The following SCAPER variants were observed in gnomAD, a reference collection of about 807,000 sequenced individuals.
SCAPER encodes S phase cyclin A-associated protein in the endoplasmic reticulum.
SCAPER carries 98 observed loss-of-function variants against 182.2 expected under a neutral mutation model. The observed-to-expected ratio is 0.54, with a 90% CI of 0.46 to 0.64. SCAPER has a LOEUF of 0.64. Among genes scored for constraint, SCAPER ranks in the 30% least tolerant of loss-of-function variants. SCAPER has a pLI of 0.00. For synonymous variants in SCAPER, 605 were observed against 564.6 expected (o/e 1.07, Z -1.01); for missense variants, 1,432 against 1,690.0 (o/e 0.85, Z 2.68).
chr15:76,820,390 C>T (rs544477343), intron 5 of SCAPER, among the ~76,000 whole-genome samples: 2 of 152,166 alleles, frequency 1.3e-5, no homozygotes, highest in East Asian at 3.9e-4. Flanking sequence ...ACATATACAC[C>T]ATGGAATACT....
At chr15:76,593,317 C>G (rs1237026936) in intron 22 of SCAPER, among the ~76,000 whole-genome samples, 1 of 121,254 alleles carries the variant, frequency 8.2e-6, no homozygotes, top group African/African-American at 2.5e-5. Context: ...GGCAGCAGCC[C>G]CAGTCAGGGG....
chr15:76,453,042 C>CA (rs2048484508), intron 25 of SCAPER, among the ~76,000 whole-genome samples: 1 of 152,108 alleles, frequency 6.6e-6, no homozygotes, highest in South Asian at 2.1e-4. Context: ...CTATGTTGCC[C>CA]AGGCTGGTTT....
At chr15:76,481,628 A>C (rs1188224192) in intron 24 of SCAPER, among the ~76,000 whole-genome samples, 1 of 152,238 alleles carries the variant, frequency 6.6e-6, no homozygotes, top group Non-Finnish European at 1.5e-5. Context: ...ACTCAGGTCC[A>C]GAATTTTGTT....
intron 29 of SCAPER, among the ~76,000 whole-genome samples, chr15:76,356,288 T>TGGGGCAG: frequency 1.3e-5 from 2 of 152,192 alleles, no homozygotes; most frequent in South Asian, 4.2e-4. Flanking sequence ...CACTACCCTT[T>TGGGGCAG]GGGGCAGGGG....
At chr15:76,720,961 T>G (rs897335387) in intron 17 of SCAPER, among the ~76,000 whole-genome samples, 5 of 152,226 alleles carry the variant, frequency 3.3e-5, no homozygotes, top group Non-Finnish European at 7.3e-5. Flanking sequence ...TGGCTTTTGT[T>G]GCCATTGCTT....
intron 23 of SCAPER, among the ~76,000 whole-genome samples, chr15:76,535,521 C>CAA (rs56660301): frequency 0.02 from 941 of 46,522 alleles, 107 homozygotes; most frequent in Admixed American, 0.038. Flanking sequence ...GACTCTGTCT[C>CAA]AAAAAAAAAA....
chr15:76,719,894 TGG>T (rs1233681386), intron 17 of SCAPER, among the ~76,000 whole-genome samples: 1 of 152,006 alleles, frequency 6.6e-6, no homozygotes, highest in African/African-American at 2.4e-5. Context: ...GAATTTATTG[TGG>T]TTGCTGAAAC....
intron 29 of SCAPER, among the ~76,000 whole-genome samples, chr15:76,373,035 T>C (rs1323950553): frequency 5.1e-5 from 2 of 39,228 alleles, no homozygotes; most frequent in African/African-American, 8.9e-5. Flanking sequence ...CTTTCTTTCC[T>C]TTTTCTTTCT....
chr15:76,892,089 A>G (rs1030217238), intron 1 of SCAPER, among the ~76,000 whole-genome samples: 5 of 152,224 alleles, frequency 3.3e-5, no homozygotes, highest in African/African-American at 1.2e-4. Flanking sequence ...AGGATTCCCT[A>G]TTTAATAGTG....
intron 20 of SCAPER, among the ~76,000 whole-genome samples, chr15:76,700,250 C>T (rs2058865369): frequency 6.6e-6 from 1 of 152,216 alleles, no homozygotes; most frequent in Admixed American, 6.5e-5. Flanking sequence ...CACAGTGAGA[C>T]TTGAGGGTTG....
intron 24 of SCAPER, among the ~76,000 whole-genome samples, chr15:76,478,312 G>A (rs2050824326): frequency 6.6e-6 from 1 of 151,808 alleles, no homozygotes; most frequent in Non-Finnish European, 1.5e-5. Flanking sequence ...ATGACAAATG[G>A]TTAATACATA....
chr15:76,608,527 A>C (rs565013125), intron 22 of SCAPER, among the ~76,000 whole-genome samples: 70 of 152,246 alleles, frequency 4.6e-4, no homozygotes, highest in Non-Finnish European at 6.2e-4. Context: ...TGGGAGAACC[A>C]CTACTCTCTT....
chr15:76,524,322 A>C (rs1282941800), intron 23 of SCAPER, among the ~76,000 whole-genome samples: 3 of 152,168 alleles, frequency 2.0e-5, no homozygotes, highest in Admixed American at 1.3e-4. Flanking sequence ...CTATATAATG[A>C]GACAAAAGTG....
intron 4 of SCAPER, chr15:76,855,966 C>T: frequency 3.5e-6 from 1 of 282,618 alleles, no homozygotes; most frequent in East Asian, 8.7e-5. Context: ...AAGACACATG[C>T]ACGTGAATGT....
At chr15:76,697,802 G>A (rs1014348156) in intron 20 of SCAPER, among the ~76,000 whole-genome samples, 2 of 152,016 alleles carry the variant, frequency 1.3e-5, no homozygotes, top group African/African-American at 4.8e-5. Flanking sequence ...ACCATGCCCA[G>A]CTAATTTTTG....
At chr15:76,550,109 AAAAAC>A (rs913710028) in intron 23 of SCAPER, among the ~76,000 whole-genome samples, 13 of 152,312 alleles carry the variant, frequency 8.5e-5, no homozygotes, top group Non-Finnish European at 1.3e-4. Context: ...CCCAACAGTA[AAAAAC>A]AAAACAAAAC....
At chr15:76,763,918 T>G (rs2062950462) in intron 14 of SCAPER, among the ~76,000 whole-genome samples, 1 of 152,210 alleles carries the variant, frequency 6.6e-6, no homozygotes, top group Non-Finnish European at 1.5e-5. Flanking sequence ...CCTTCAACAG[T>G]TATTTTGAAT....
intron 1 of SCAPER, among the ~76,000 whole-genome samples, chr15:76,887,861 C>T (rs892697599): frequency 1.3e-5 from 2 of 152,206 alleles, no homozygotes; most frequent in Non-Finnish European, 2.9e-5. Context: ...TCACATGGGT[C>T]CCTGACCCCC....
intron 8 of SCAPER, among the ~76,000 whole-genome samples, chr15:76,790,249 A>C (rs2064911153): frequency 6.7e-6 from 1 of 150,364 alleles, no homozygotes; most frequent in African/African-American, 2.4e-5. Flanking sequence ...AAAAAAATGT[A>C]CATCAATGTT....
Sources: gnomAD v4.1 joint callset for allele counts (sites outside exome capture counted in the v4.1 genomes callset) on GRCh38, gnomAD v4.1.1 for gene constraint, MANE v1.5 for transcripts, NCBI Gene and HGNC (gene_info 2026-07-23, HGNC 2026-07-21) for gene names.